LARGE1: variants seen among roughly 807,000 people sequenced by gnomAD.
LARGE1 encodes the protein xylosyl- and glucuronyltransferase LARGE1.
In LARGE1, 43 loss-of-function variants were observed where a neutral mutation model predicts 87.6. That is an observed-to-expected ratio of 0.49 (90% confidence interval 0.38 to 0.63). The LOEUF (loss-of-function observed/expected upper bound fraction) is 0.63, where lower values mean the gene tolerates loss of function less well. Ranked by LOEUF, LARGE1 falls within the 30% of genes least tolerant of loss-of-function variation. The pLI is 0.00. For missense variants in LARGE1, 802 were observed against 1,000.2 expected (o/e 0.80, Z 2.67); for synonymous variants, 434 against 394.6 (o/e 1.10, Z -1.18).
intron 1 of LARGE1, among the ~76,000 whole-genome samples, chr22:33,774,672 ATATTT>A (rs1487615650): frequency 1.3e-5 from 2 of 152,170 alleles, no homozygotes; most frequent in Non-Finnish European, 2.9e-5. Flanking sequence ...ATTAATCTTA[ATATTT>A]TATTTAACCT....
chr22:33,161,690 C>A (rs926170663), downstream of LARGE1, among the ~76,000 whole-genome samples: 1 of 152,222 alleles, frequency 6.6e-6, no homozygotes, highest in African/African-American at 2.4e-5. Flanking sequence ...TGTGGTCATG[C>A]TGATGCAAGA....
At chr22:33,237,704 C>A (rs888053128) in intron 11 of LARGE1, among the ~76,000 whole-genome samples, 3 of 152,146 alleles carry the variant, frequency 2.0e-5, no homozygotes, top group African/African-American at 7.2e-5. Context: ...AGGGGAAGAG[C>A]AGAAAGCAAT....
intron 6 of LARGE1, among the ~76,000 whole-genome samples, chr22:33,478,709 C>T (rs1393013992): frequency 6.6e-6 from 1 of 152,204 alleles, no homozygotes; most frequent in Admixed American, 6.5e-5. Context: ...TGAGATAGCA[C>T]ATGAAAGCAT....
chr22:33,692,719 T>C (rs1294500156), intron 2 of LARGE1, among the ~76,000 whole-genome samples: 3 of 152,266 alleles, frequency 2.0e-5, no homozygotes, highest in Non-Finnish European at 4.4e-5. Flanking sequence ...TGTAACTCAA[T>C]ATTTATCACA....
chr22:33,821,991 G>A (rs1404048451), intron 1 of LARGE1, among the ~76,000 whole-genome samples: 1 of 150,032 alleles, frequency 6.7e-6, no homozygotes, highest in African/African-American at 2.5e-5. Context: ...TTCTATTGCG[G>A]GTATATTTAG....
intron 1 of LARGE1, among the ~76,000 whole-genome samples, chr22:33,789,212 G>C (rs747789892): frequency 1.3e-5 from 2 of 152,212 alleles, no homozygotes; most frequent in Non-Finnish European, 2.9e-5. Context: ...AGCCAACATA[G>C]AGCTCAGGCC....
At chr22:33,409,605 A>G (rs533343030) in intron 7 of LARGE1, among the ~76,000 whole-genome samples, 334 of 150,070 alleles carry the variant, frequency 2.2e-3, no homozygotes, top group African/African-American at 7.4e-3. Context: ...ATAATAATAA[A>G]ACGAAATCCA....
rs767781916 is a variant in LARGE1 at position 33,650,394 on chromosome 22, C to A, written c.381G>T (p.Gly127=). The A allele has an allele frequency of 6.2e-7, 1 of 1,614,086 alleles. No homozygotes were observed. Among genetic ancestry groups the A allele is most frequent in the Non-Finnish European group, 8.5e-7 (1 of 1,180,038 alleles). Residue 127 remains glycine, a synonymous_variant, in exon 3 of 15, where the codon GGG becomes GGT. Transcript: ENST00000397394. The part of the protein sequence containing the change: ...GIVAGNSSEC[G]QQPVVEKCET... Reference sequence around the variant, plus strand: ...CGCATTTCTCCACGACCGGCTGCTGCCCACACTCGGAGCTGTTGCCTGCCA... The same window carrying A: ...CGCATTTCTCCACGACCGGCTGCTGACCACACTCGGAGCTGTTGCCTGCCA...
At chr22:33,775,016 G>A (rs576838777) in intron 1 of LARGE1, among the ~76,000 whole-genome samples, 27 of 152,258 alleles carry the variant, frequency 1.8e-4, no homozygotes, top group African/African-American at 5.3e-4. Context: ...ATAGAGAACC[G>A]GATTTAACTG....
intron 1 of LARGE1, among the ~76,000 whole-genome samples, chr22:33,851,708 C>T (rs1190416508): frequency 6.6e-6 from 1 of 152,184 alleles, no homozygotes; most frequent in African/African-American, 2.4e-5. Context: ...GCTCATTATA[C>T]AATTTGGACT....
chr22:33,342,284 T>C (rs1939239451), intron 9 of LARGE1, among the ~76,000 whole-genome samples: 1 of 152,258 alleles, frequency 6.6e-6, no homozygotes, highest in Non-Finnish European at 1.5e-5. Flanking sequence ...GTTAAGCTTC[T>C]TCAACAGGGA....
chr22:33,425,164 A>G (rs1490908254), intron 7 of LARGE1, among the ~76,000 whole-genome samples: 4 of 152,134 alleles, frequency 2.6e-5, no homozygotes, highest in African/African-American at 7.2e-5. Flanking sequence ...CAGGAGGCTG[A>G]GGCAGGAGAA....
intron 1 of LARGE1, among the ~76,000 whole-genome samples, chr22:33,799,267 G>A (rs1404673019): frequency 6.6e-6 from 1 of 152,030 alleles, no homozygotes; most frequent in Non-Finnish European, 1.5e-5. Flanking sequence ...ATCTGGAGAC[G>A]GGCATACCAC....
chr22:33,756,723 G>A (rs1028100923), intron 2 of LARGE1, among the ~76,000 whole-genome samples: 3 of 152,298 alleles, frequency 2.0e-5, no homozygotes, highest in East Asian at 3.9e-4. Context: ...GGAGCAGAGC[G>A]GTGCTCTGAT....
intron 9 of LARGE1, among the ~76,000 whole-genome samples, chr22:33,348,895 T>C (rs1940082783): frequency 6.6e-6 from 1 of 152,080 alleles, no homozygotes; most frequent in Admixed American, 6.5e-5. Flanking sequence ...GGGTGGGTTT[T>C]TCCTGTGCTG....
chr22:33,344,240 G>T (rs975832578), intron 9 of LARGE1, among the ~76,000 whole-genome samples: 1 of 152,062 alleles, frequency 6.6e-6, no homozygotes, highest in Non-Finnish European at 1.5e-5. Context: ...ACTCAGAAAT[G>T]ATTTTCTTTC....
chr22:33,795,800 A>C (rs1037711564), intron 1 of LARGE1, among the ~76,000 whole-genome samples: 1 of 152,090 alleles, frequency 6.6e-6, no homozygotes, highest in Non-Finnish European at 1.5e-5. Flanking sequence ...ATTGAACAAT[A>C]AGAACACTTG....
At chr22:33,617,907 T>A (rs1050018333) in intron 4 of LARGE1, among the ~76,000 whole-genome samples, 2 of 152,234 alleles carry the variant, frequency 1.3e-5, no homozygotes, top group South Asian at 4.1e-4. Flanking sequence ...GAGGCAAAGA[T>A]GATTAAGCCA....
intron 2 of LARGE1, among the ~76,000 whole-genome samples, chr22:33,755,394 G>A (rs543149699): frequency 8.5e-5 from 13 of 152,238 alleles, no homozygotes; most frequent in Admixed American, 2.6e-4. Flanking sequence ...CCTTTGCACC[G>A]AGCTGGTTAT....
Sources: gnomAD v4.1 joint callset for allele counts (sites outside exome capture counted in the v4.1 genomes callset) on GRCh38, gnomAD v4.1.1 for gene constraint, MANE v1.5 for transcripts, NCBI Gene and HGNC (gene_info 2026-07-23, HGNC 2026-07-21) for gene names.